HYI: variants seen among roughly 807,000 people sequenced by gnomAD.
HYI encodes the protein putative hydroxypyruvate isomerase.
In HYI, 47 loss-of-function variants were observed where a neutral mutation model predicts 39.7. The observed-to-expected ratio is 1.18, with a 90% CI of 0.94 to 1.51. HYI has a LOEUF of 1.51. Among genes scored for constraint, HYI ranks in the 40% most tolerant of loss-of-function variants. HYI has a pLI of 0.00. For missense variants in HYI, 465 were observed against 370.3 expected (o/e 1.26, Z -2.10); for synonymous variants, 186 against 158.8 (o/e 1.17, Z -1.29).
Position 43,451,171 on chromosome 1 carries a change from C to T in HYI, c.*67G>A. 7.0e-7 allele frequency: 1 copy of T among 1,425,702 alleles called. No individual in the cohort carries two copies. 88.3% of individuals were successfully genotyped at this position (1,425,702 alleles called of 1,614,324 possible). On this transcript the variant is annotated 3_prime_UTR_variant, in exon 8 of 8. Transcript: ENST00000372430. ...CATATGACAATGTTCAGCAGGTCAT[C>T]TTTAATGCAGAGGAGGAGATGGGAT...
In HYI at chr1:43,452,193, C is replaced by T. The variant is rs761829862; in HGVS notation, c.426+12G>A. The T allele has an allele frequency of 1.2e-6, 2 of 1,603,856 alleles. No homozygotes were observed. Among genetic ancestry groups the T allele is most frequent in the Non-Finnish European group, 1.7e-6 (2 of 1,172,918 alleles). On this transcript the variant is annotated intron_variant, in intron 3 of 7. Coordinates refer to ENST00000372430, the MANE Select transcript of HYI (RefSeq NM_001190880.3). ...AGACATGTAAGTACGTGTGTGTTTC[C>T]ACCTTTCTCACCTGAGCCAAAACCC...
Position 43,451,030 on chromosome 1 carries a change from G to C in HYI, c.*208C>G. 1 of 772,772 alleles carries C rather than the reference G, an allele frequency of 1.3e-6. No homozygotes were observed. Among genetic ancestry groups the C allele is most frequent in the Non-Finnish European group, 2.3e-6 (1 of 425,664 alleles). The allele number at this position is 772,772 out of a possible 1,614,324, so 47.9% of individuals were successfully genotyped here. On this transcript the variant is annotated 3_prime_UTR_variant, in exon 8 of 8. Coordinates refer to ENST00000372430, the MANE Select transcript of HYI (RefSeq NM_001190880.3). ...GGGTTTCTCATCCTTTAATGAGGTGGGTTCAGAAGCTCTCCCATCTTCACA... is the reference window on the plus strand; with the variant it reads ...GGGTTTCTCATCCTTTAATGAGGTGCGTTCAGAAGCTCTCCCATCTTCACA...
In HYI at chr1:43,451,946, G is replaced by A. The variant is rs201885225; in HGVS notation, c.494C>T (p.Thr165Met). 53 of 1,612,114 alleles carry A rather than the reference G, an allele frequency of 3.3e-5. No homozygotes were observed. The Admixed American group carries it at 3.5e-4, about 11-fold the overall frequency. Reference protein sequence around the residue: ...RITDPQYFLDTPQQAAAILQK... With the variant: ...RITDPQYFLDMPQQAAAILQK... ...GGCTGGGGTCGTACCCTGCTGGGGC[G>A]TGTCCAGGAAGTACTGGGGGTCAGT... is the stretch of plus-strand genomic sequence containing the variant. Residue 165 changes from threonine to methionine, a missense_variant, in exon 4 of 8, where the codon ACG (threonine) becomes ATG (methionine). Physicochemically the swap from Thr to Met is moderately conservative, Grantham distance 81. Transcript: ENST00000372430.
rs763456278 is a variant in HYI, at chr1:43,453,013, CAG to C, written c.311+371_311+372del. On this transcript the variant is annotated intron_variant, in intron 2 of 7. Transcript: ENST00000372430. ...TCAAGCAATGCCCACTCCTTGAAGACAGTCCAAGCATCACTACCTGTAAGCAG... is the reference window on the plus strand; with the variant it reads ...TCAAGCAATGCCCACTCCTTGAAGACTCCAAGCATCACTACCTGTAAGCAG... 2.2e-5 allele frequency: 33 copies of C among 1,502,108 alleles called. No individual in the cohort carries two copies. In the African/African-American group the frequency reaches 4.3e-4, roughly 19 times the overall value. 93.0% of individuals were successfully genotyped at this position (1,502,108 alleles called of 1,614,324 possible). A position where few individuals can be genotyped will look rare whatever the true frequency, so the allele number is the denominator to read the frequency against.
intron 2 of HYI, chr1:43,452,680 C>T (rs1656572188): frequency 5.0e-6 from 3 of 604,760 alleles, no homozygotes; most frequent in Non-Finnish European, 8.8e-6. Flanking sequence ...ACTTCCTCTC[C>T]TCGCATCTAC....
At chr1:43,453,044 T>C in intron 2 of HYI, 1 of 1,281,496 alleles carries the variant, frequency 7.8e-7, no homozygotes, top group Non-Finnish European at 1.1e-6. Context: ...TAAGCAGCTT[T>C]CTCTGATCCA....
Position 43,453,769 on chromosome 1 carries a change from T to C in HYI, c.25A>G (p.Asn9Asp). The change falls in exon 1 of 8, where the codon AAT becomes GAT. Residue 9 changes from asparagine (N) to aspartate (D), a missense_variant. Transcript: ENST00000372430. MAPLRFSA[N>D]LSWLFPELSG... ...AGCTCGGGGAATAGCCAGGACAGAT[T>C]GGCGGAGAAGCGCAGCGGCGCCATG... 2 of 1,297,536 alleles carry C rather than the reference T, an allele frequency of 1.5e-6. No individual in the cohort carries two copies. Among genetic ancestry groups the C allele is most frequent in the Non-Finnish European group, 1.9e-6 (2 of 1,026,852 alleles). The allele number at this position is 1,297,536 out of a possible 1,614,324, so 80.4% of individuals were successfully genotyped here.
In HYI at chr1:43,451,273, A is replaced by G; in HGVS notation, c.799T>C (p.Trp267Arg). The part of the protein sequence containing the change: ...VEGLSWLRSY[W>R]DRRGHPEAGQ ...GCCTCTGGGTGGCCCCGCCTATCCC[A>G]GTATGAACGTAGCCAACTCAAGCCC... The change falls in exon 8 of 8, where the codon TGG (tryptophan) becomes CGG (arginine). Residue 267 changes from tryptophan (W) to arginine (R), a missense_variant. Transcript: ENST00000372430. 1.2e-6 allele frequency: 2 copies of G among 1,613,830 alleles called. No individual in the cohort carries two copies. The highest frequency in any genetic ancestry group is 1.3e-5 in the African/African-American group (1 of 75,048).
chr1:43,450,939 T>A, downstream of HYI: 1 of 757,098 alleles, frequency 1.3e-6, no homozygotes, highest in Non-Finnish European at 2.4e-6. The surrounding 1 kb of genome is among the most constrained non-coding windows in gnomAD (Gnocchi z 4.3). Context: ...GACACCTGGG[T>A]TCCAATCCCA....
In HYI at chr1:43,453,676, G is replaced by C. The variant is rs956621312; in HGVS notation, c.118C>G (p.Pro40Ala). ...AGCGCCTCAGGCGTCTCCGCGTACG[G>C]CCAGGCCACCTCGACGGCCTCGAAG... ...SGFEAVEVAW[P>A]YAETPEALAR... is the part of the protein sequence containing the mutation. Residue 40 changes from proline (P) to alanine (A), a missense_variant, in exon 1 of 8, where the codon CCG becomes GCG. Physicochemically the swap from Pro to Ala is conservative, Grantham distance 27 (BLOSUM62 -1). Coordinates refer to ENST00000372430, the MANE Select transcript of HYI (RefSeq NM_001190880.3). 42 of 1,470,018 alleles carry C rather than the reference G, an allele frequency of 2.9e-5. No individual in the cohort carries two copies. The highest frequency in any genetic ancestry group is 3.3e-5 in the Non-Finnish European group (37 of 1,119,450). 91.1% of individuals were successfully genotyped at this position (1,470,018 alleles called of 1,614,324 possible). A position where few individuals can be genotyped will look rare whatever the true frequency, so the allele number is the denominator to read the frequency against.
At position 43,453,921 on chromosome 1, in the gene HYI, G is replaced by C. The variant is rs1656758834; in HGVS notation, c.-128C>G. ...AACGAACGAGCACTGTTCGTGGTTA[G>C]AAAAGCGAAGTGCTGTAAAAACCCG... On this transcript the variant is annotated 5_prime_UTR_variant, in exon 1 of 8. Coordinates refer to ENST00000372430, the MANE Select transcript of HYI (RefSeq NM_001190880.3). 1.7e-6 allele frequency: 2 copies of C among 1,207,778 alleles called. No homozygotes were observed. Among genetic ancestry groups the C allele is most frequent in the Non-Finnish European group, 1.0e-6 (1 of 972,822 alleles). 74.8% of individuals were successfully genotyped at this position (1,207,778 alleles called of 1,614,324 possible).
At chr1:43,452,410 TC>T in intron 2 of HYI, 91 bp from the exon 3 acceptor site, 1 of 992,934 alleles carries the variant, frequency 1.0e-6, no homozygotes, top group Non-Finnish European at 1.6e-6. Flanking sequence ...CTCGTCCGTC[TC>T]CCCAGGTCTC....
In HYI at chr1:43,451,204, G is replaced by A. The variant is rs977773312; in HGVS notation, c.*34C>T. ...CAGAGGAGGAGATGGGATGTCACTC[G>A]CTGTCTGGAGGCACGTGGGTGGTGT... On this transcript the variant is annotated 3_prime_UTR_variant, in exon 8 of 8. Transcript: ENST00000372430. 15 of 1,593,724 alleles carry A rather than the reference G, an allele frequency of 9.4e-6. No individual in the cohort carries two copies. Among genetic ancestry groups the A allele is most frequent in the East Asian group, 4.5e-5 (2 of 44,782 alleles).
rs1570769740 is a variant in HYI, at chr1:43,453,658, C to T, written c.136G>A (p.Glu46Lys). The change falls in exon 1 of 8, where the codon GAG becomes AAG. Residue 46 changes from glutamate (E) to lysine (K), a missense_variant. Coordinates refer to ENST00000372430, the MANE Select transcript of HYI (RefSeq NM_001190880.3). ...TCTCGCGCGGCGCGCGCCAGCGCCT[C>T]AGGCGTCTCCGCGTACGGCCAGGCC... ...EVAWPYAETP[E>K]ALARAAREAG... 11 of 1,486,142 alleles carry T rather than the reference C, an allele frequency of 7.4e-6. No individual in the cohort carries two copies. The highest frequency in any genetic ancestry group is 1.3e-5 in the South Asian group (1 of 78,182). 92.1% of individuals were successfully genotyped at this position (1,486,142 alleles called of 1,614,324 possible). A position where few individuals can be genotyped will look rare whatever the true frequency, so the allele number is the denominator to read the frequency against.
Position 43,452,800 on chromosome 1 carries a change from G to A in HYI, c.312-481C>T, listed in dbSNP as rs995961217. 3 of 1,221,296 alleles carry A rather than the reference G, an allele frequency of 2.5e-6. No homozygotes were observed. The African/African-American group carries it at 4.5e-5, about 18-fold the overall frequency. 75.7% of individuals were successfully genotyped at this position (1,221,296 alleles called of 1,614,324 possible). On this transcript the variant is annotated intron_variant, in intron 2 of 7. Coordinates refer to ENST00000372430, the MANE Select transcript of HYI (RefSeq NM_001190880.3). ...TCTGCAGGATTTGACATTTGAATCAGCCCCACTTTGAGCCGTCCACCTCCT... is the reference window on the plus strand; with the variant it reads ...TCTGCAGGATTTGACATTTGAATCAACCCCACTTTGAGCCGTCCACCTCCT...
At position 43,451,952 on chromosome 1, in the gene HYI, AG is replaced by A. The variant is rs1347536684; in HGVS notation, c.487del (p.Leu163TrpfsTer14). Reference sequence around the variant, plus strand: ...GGTCGTACCCTGCTGGGGCGTGTCCAGGAAGTACTGGGGGTCAGTGATGCGG... The same window carrying A: ...GGTCGTACCCTGCTGGGGCGTGTCCAGAAGTACTGGGGGTCAGTGATGCGG... ...NTRITDPQYF[L>X]DTPQQAAAIL... On this transcript the variant is annotated frameshift_variant, in exon 4 of 8. Transcript: ENST00000372430. LOFTEE classifies it high-confidence loss of function. 1.2e-6 allele frequency: 2 copies of A among 1,612,202 alleles called. No individual in the cohort carries two copies. The highest frequency in any genetic ancestry group is 1.7e-5 in the Admixed American group (1 of 59,960).
chr1:43,453,554 G>C (rs1402818178), intron 1 of HYI, 41 bp downstream of exon 1: 36 of 1,517,934 alleles, frequency 2.4e-5, no homozygotes, highest in Non-Finnish European at 3.2e-5. Context: ...CCGCGCCCCG[G>C]CACCCCCCAG....
Position 43,451,520 on chromosome 1 carries a change from G to C in HYI, c.650C>G (p.Pro217Arg). 1 of 1,614,124 alleles carries C rather than the reference G, an allele frequency of 6.2e-7. No individual in the cohort carries two copies. The highest frequency in any genetic ancestry group is 8.5e-7 in the Non-Finnish European group (1 of 1,180,026). ...IVGHVQVAQV[P>R]GRGEPSSPGE... ...GGGGCTGCTGGGCTCCCCTCGGCCT[G>C]GGACCTGTGCCACCTGCACATGCCC... Residue 217 changes from proline (P) to arginine (R), a missense_variant, in exon 7 of 8, where the codon CCA (proline) becomes CGA (arginine). Coordinates refer to ENST00000372430, the MANE Select transcript of HYI (RefSeq NM_001190880.3).
Position 43,453,438 on chromosome 1 carries a change from G to T in HYI, c.259C>A (p.Arg87=). Residue 87 remains arginine (R), a synonymous_variant, in exon 2 of 8, where the codon CGA becomes AGA. Coordinates refer to ENST00000372430, the MANE Select transcript of HYI (RefSeq NM_001190880.3). The part of the protein sequence containing the change: ...GAVPGRQAAF[R]EGLEQAVRYA... ...CGCACGGCCTGCTCCAGTCCCTCTC[G>T]GAAGGCCGCCTGTCTCCCGGGGACG... The T allele has an allele frequency of 6.4e-7, 1 of 1,563,862 alleles. No homozygotes were observed. The highest frequency in any genetic ancestry group is 8.7e-7 in the Non-Finnish European group (1 of 1,153,114).
Sources: gnomAD v4.1 joint callset for allele counts on GRCh38, gnomAD v4.1.1 for gene constraint, Gnocchi (gnomAD v3.1) non-coding constraint, MANE v1.5 for transcripts, NCBI Gene and HGNC (gene_info 2026-07-23, HGNC 2026-07-21) for gene names.